The following PITPNC1 variants were observed in gnomAD, a reference collection of about 807,000 sequenced individuals.
PITPNC1 encodes the protein phosphatidylinositol transfer protein cytoplasmic 1.
PITPNC1 carries 18 observed loss-of-function variants against 44.7 expected under a neutral mutation model. The observed-to-expected ratio is 0.40, with a 90% confidence interval of 0.28 to 0.60. The LOEUF (loss-of-function observed/expected upper bound fraction) is 0.60, where lower values mean the gene tolerates loss of function less well. Among genes scored for constraint, PITPNC1 ranks in the 20% least tolerant of loss-of-function variants. The pLI, the probability that PITPNC1 is intolerant of heterozygous loss-of-function variation, is 0.39. For missense variants in PITPNC1, 290 were observed against 418.4 expected, an observed-to-expected ratio of 0.69 and a Z score of 2.68; for synonymous variants, 141 against 149.6, an observed-to-expected ratio of 0.94 and a Z score of 0.42.
At chr17:67,497,085 C>T (rs150045116) in intron 1 of PITPNC1, among the ~76,000 whole-genome samples, 98 of 152,154 alleles carry the variant, frequency 6.4e-4, no homozygotes, top group Middle Eastern at 3.4e-3. Context: ...ATGACTGTTC[C>T]GGTGAATAGC....
chr17:67,467,147 G>C (rs961655534), intron 1 of PITPNC1, among the ~76,000 whole-genome samples: 2 of 139,980 alleles, frequency 1.4e-5, no homozygotes, highest in African/African-American at 5.2e-5. Context: ...TCAGGTTCAA[G>C]TGATTCTCCT....
intron 1 of PITPNC1, among the ~76,000 whole-genome samples, chr17:67,489,528 T>C (rs1298891477): frequency 6.6e-6 from 1 of 152,178 alleles, no homozygotes; most frequent in Non-Finnish European, 1.5e-5. Flanking sequence ...GGGATTCACC[T>C]TGTGGCTTAT....
At chr17:67,505,382 G>T (rs2040087301) in intron 1 of PITPNC1, among the ~76,000 whole-genome samples, 1 of 152,076 alleles carries the variant, frequency 6.6e-6, no homozygotes, top group Non-Finnish European at 1.5e-5. Flanking sequence ...GTCAATTTTT[G>T]CTTTATGTAT....
At chr17:67,519,174 T>G (rs1036490005) in intron 1 of PITPNC1, among the ~76,000 whole-genome samples, 6 of 22,750 alleles carry the variant, frequency 2.6e-4, no homozygotes, top group African/African-American at 4.8e-4. Context: ...GCATTCTGTT[T>G]TTTTTTTTTT....
chr17:67,614,220 A>G (rs978943650), intron 5 of PITPNC1, among the ~76,000 whole-genome samples: 1 of 152,022 alleles, frequency 6.6e-6, no homozygotes, highest in Non-Finnish European at 1.5e-5. Flanking sequence ...GGCTTTCCCT[A>G]CTTTATGTCC....
At chr17:67,513,787 A>G (rs978133626) in intron 1 of PITPNC1, among the ~76,000 whole-genome samples, 4 of 152,106 alleles carry the variant, frequency 2.6e-5, no homozygotes, top group African/African-American at 9.7e-5. Context: ...TTTAACTGTG[A>G]AGCTCTTTTC....
intron 1 of PITPNC1, among the ~76,000 whole-genome samples, chr17:67,531,598 G>C (rs1387179575): frequency 6.6e-6 from 1 of 152,194 alleles, no homozygotes; most frequent in Non-Finnish European, 1.5e-5. Context: ...CTTCTCAGCT[G>C]TGAAACTAAC....
chr17:67,514,546 C>T (rs1380741732), intron 1 of PITPNC1, among the ~76,000 whole-genome samples: 1 of 150,328 alleles, frequency 6.7e-6, no homozygotes, highest in African/African-American at 2.4e-5. Context: ...CAAGGGAAGC[C>T]GGGTGCGGTG....
intron 7 of PITPNC1, among the ~76,000 whole-genome samples, chr17:67,671,997 T>C (rs1449171743): frequency 2.6e-5 from 4 of 151,968 alleles, no homozygotes; most frequent in Admixed American, 2.6e-4. Context: ...TGCAGTGACA[T>C]GATCTCGGCT....
At chr17:67,618,364 CAAAAA>C (rs11417487) in intron 5 of PITPNC1, among the ~76,000 whole-genome samples, 6 of 76,862 alleles carry the variant, frequency 7.8e-5, no homozygotes, top group East Asian at 4.3e-4. Context: ...GACTCCGTCT[CAAAAA>C]AAAAAAAAAA....
Position 67,506,632 on chromosome 17 carries a change from GACTTTTCAGTACT to G in PITPNC1, c.49-26169_49-26157del, listed in dbSNP as rs565672782. Among the ~76,000 whole-genome samples the G allele has an allele frequency of 2.1e-3, 325 of 152,130 alleles. 4 individuals carry two copies. The highest frequency in any genetic ancestry group is 6.8e-3 in the Middle Eastern group (2 of 294). On this transcript the variant is annotated intron_variant, in intron 1 of 8. Coordinates refer to ENST00000581322, the MANE Select transcript of PITPNC1 (RefSeq NM_012417.4). ...CTAATAATAAAACCCCAATTCAAAT[GACTTTTCAGTACT>G]TACTATACGCGATGTACTGCGGGTA...
intron 4 of PITPNC1, among the ~76,000 whole-genome samples, chr17:67,560,788 A>G (rs560858464): frequency 6.6e-6 from 1 of 152,320 alleles, no homozygotes; most frequent in Admixed American, 6.5e-5. Flanking sequence ...TTTGAGGGGA[A>G]AGAGCAGGTG....
intron 2 of PITPNC1, among the ~76,000 whole-genome samples, chr17:67,540,197 G>A (rs1364532394): frequency 3.3e-5 from 5 of 151,766 alleles, no homozygotes; most frequent in African/African-American, 7.3e-5. Context: ...TCTGCCTTCC[G>A]GGCTCAAGAG....
intron 5 of PITPNC1, among the ~76,000 whole-genome samples, chr17:67,628,344 C>A (rs1210243678): frequency 1.3e-5 from 2 of 152,018 alleles, no homozygotes; most frequent in South Asian, 2.1e-4. Context: ...CAGGGCAGCA[C>A]TTTGTATGCA....
chr17:67,559,533 G>C (rs1308528933), intron 4 of PITPNC1, among the ~76,000 whole-genome samples: 1 of 152,172 alleles, frequency 6.6e-6, no homozygotes, highest in Non-Finnish European at 1.5e-5. Context: ...TCCTCCAGTT[G>C]GGGGCACTGA....
rs541274790 is a variant in PITPNC1, at chr17:67,665,251, C to T, written c.463-4257C>T. On this transcript the variant is annotated intron_variant, in intron 6 of 8. Transcript: ENST00000581322. ...GCGACTATAAGCATGTGCCACCACA[C>T]CTGGCTAATTTTTGTATTTTTTGTA... Among the ~76,000 whole-genome samples, 30 of 152,266 alleles carry T rather than the reference C, an allele frequency of 2.0e-4. 2 individuals carry two copies. In the South Asian group the frequency reaches 6.0e-3, roughly 30 times the overall value.
intron 8 of PITPNC1, among the ~76,000 whole-genome samples, chr17:67,678,577 C>T (rs2042646182): frequency 6.6e-6 from 1 of 152,204 alleles, no homozygotes. Context: ...GCTTCTGCAA[C>T]CATCAGTACC....
intron 1 of PITPNC1, among the ~76,000 whole-genome samples, chr17:67,497,623 G>A (rs1265830872): frequency 7.6e-5 from 11 of 144,530 alleles, no homozygotes; most frequent in Non-Finnish European, 1.6e-4. Flanking sequence ...GACCTCCTAG[G>A]CTCAAGCGAA....
intron 1 of PITPNC1, among the ~76,000 whole-genome samples, chr17:67,416,404 T>G (rs2038590409): frequency 6.6e-6 from 1 of 151,654 alleles, no homozygotes. Context: ...TTAGTAGAGA[T>G]GGGATTCCAC....
Sources: allele counts gnomAD v4.1 joint callset (sites outside exome capture counted in the v4.1 genomes callset), GRCh38; gene constraint gnomAD v4.1.1; transcripts MANE v1.5; gene names NCBI Gene and HGNC (gene_info 2026-07-23, HGNC 2026-07-21).